Variants in DNAH9 observed in about 807,000 individuals in gnomAD.
DNAH9 encodes the protein DNAH9 variant protein.
Under a neutral mutation model 471.6 loss-of-function variants are expected in DNAH9, and 345 were observed. That is an observed-to-expected ratio of 0.73 (90% CI 0.67 to 0.80). DNAH9 has a LOEUF of 0.80. DNAH9 is among the 30% of genes least tolerant of loss of function. The probability of loss-of-function intolerance (pLI) is 0.00; values close to 1 mark genes in which losing one functional copy is unlikely to be tolerated. For missense variants in DNAH9, 5,407 were observed against 5,609.2 expected, an observed-to-expected ratio of 0.96 and a Z score of 1.15; for synonymous variants, 2,093 against 2,123.6, an observed-to-expected ratio of 0.99 and a Z score of 0.40.
intron 50 of DNAH9, among the ~76,000 whole-genome samples, chr17:11,856,797 A>G (rs1420324901): frequency 1.3e-5 from 2 of 152,212 alleles, no homozygotes; most frequent in Non-Finnish European, 2.9e-5. Flanking sequence ...TTTACTTAAA[A>G]TAGATGATAA....
intron 3 of DNAH9, among the ~76,000 whole-genome samples, 158 bp downstream of exon 3, chr17:11,610,712 G>C (rs112476683): frequency 1.5e-4 from 23 of 152,312 alleles, no homozygotes; most frequent in African/African-American, 4.8e-4. Context: ...TGGGTCAAGA[G>C]AGTTTTTTGA....
chr17:11,612,265 A>G, intron 4 of DNAH9: 1 of 231,844 alleles, frequency 4.3e-6, no homozygotes, highest in Non-Finnish European at 8.7e-6. Flanking sequence ...TTCTGGCAAG[A>G]CAGCCTAACC....
chr17:11,851,552 T>C (rs1392949142), intron 49 of DNAH9, among the ~76,000 whole-genome samples: 1 of 152,066 alleles, frequency 6.6e-6, no homozygotes, highest in Non-Finnish European at 1.5e-5. Flanking sequence ...AGCTACAGCC[T>C]AGTGAGAAAA....
rs755257881 is a variant in DNAH9, at chr17:11,608,110, C to T, written c.418-19C>T. 106 of 1,546,238 alleles carry T rather than the reference C, an allele frequency of 6.9e-5. No homozygotes were observed. The highest frequency in any genetic ancestry group is 1.7e-5 in the Non-Finnish European group (19 of 1,142,870). On this transcript the variant is annotated intron_variant, in intron 1 of 68. Coordinates refer to ENST00000262442, the MANE Select transcript of DNAH9 (RefSeq NM_001372.4). ...GAATTGGAACACCTGCCTTTCTTTC[C>T]TGTGCACCTCTGTTCCAGGTTGTTC...
At chr17:11,657,173 A>C (rs1036623613) in intron 14 of DNAH9, among the ~76,000 whole-genome samples, 1 of 151,994 alleles carries the variant, frequency 6.6e-6, no homozygotes, top group Admixed American at 6.6e-5. Context: ...TGTAGTTTAT[A>C]CTCCCAGTGG....
chr17:11,648,303 A>G (rs1395749409), intron 12 of DNAH9, among the ~76,000 whole-genome samples: 1 of 152,222 alleles, frequency 6.6e-6, no homozygotes, highest in Non-Finnish European at 1.5e-5. Flanking sequence ...AAAGTCAACA[A>G]GGAATATAGA....
intron 54 of DNAH9, 150 bp from the exon 55 acceptor site, chr17:11,881,059 T>G: frequency 1.4e-6 from 1 of 732,680 alleles, no homozygotes; most frequent in Non-Finnish European, 2.3e-6. Flanking sequence ...GTTCCCAACA[T>G]TAGTGCAAAA....
At chr17:11,648,868 A>G (rs1016657368) in intron 12 of DNAH9, among the ~76,000 whole-genome samples, 8 of 152,124 alleles carry the variant, frequency 5.3e-5, no homozygotes, top group Non-Finnish European at 7.3e-5. Flanking sequence ...GCTCACACCT[A>G]TAATCCCAGG....
At chr17:11,853,889 C>A in intron 49 of DNAH9, 114 bp from the exon 50 acceptor site, 1 of 944,678 alleles carries the variant, frequency 1.1e-6, no homozygotes, top group Non-Finnish European at 1.6e-6. Flanking sequence ...AGGGCTGCTG[C>A]AGGCTTCAAA....
intron 19 of DNAH9, among the ~76,000 whole-genome samples, chr17:11,686,047 A>T (rs1597477342): frequency 6.6e-6 from 1 of 151,716 alleles, no homozygotes; most frequent in South Asian, 2.1e-4. Flanking sequence ...CTCATGATCC[A>T]CCCGCCTCGG....
rs528696982 is a variant in DNAH9, at chr17:11,843,877, A to G, written c.9507+8979A>G. On this transcript the variant is annotated intron_variant, in intron 49 of 68. Transcript: ENST00000262442. ...TGTGTGTGTGTGTATATATATATAT[A>G]TATATATATATATACACATAGAGAG... Among the ~76,000 whole-genome samples the G allele has an allele frequency of 5.1e-3, 673 of 131,038 alleles. 24 individuals carry two copies. Among genetic ancestry groups the G allele is most frequent in the African/African-American group, 0.017 (613 of 35,556 alleles). 86.0% of individuals were successfully genotyped at this position (131,038 alleles called of 152,430 possible).
At chr17:11,798,747 C>T (rs1010414179) in intron 43 of DNAH9, among the ~76,000 whole-genome samples, 2 of 152,100 alleles carry the variant, frequency 1.3e-5, no homozygotes, top group Admixed American at 6.6e-5. Flanking sequence ...TGAACTTTCC[C>T]TTTACTGCCA....
intron 30 of DNAH9, 144 bp from the exon 31 acceptor site, chr17:11,744,653 C>G (rs954759093): frequency 2.0e-5 from 14 of 692,502 alleles, no homozygotes; most frequent in Non-Finnish European, 3.1e-5. Flanking sequence ...CTGGGATCAT[C>G]ATTTTCTAAG....
rs908902017 is a variant in DNAH9, at chr17:11,747,701, C to T, written c.6545C>T (p.Pro2182Leu). The T allele has an allele frequency of 6.2e-7, 1 of 1,614,006 alleles. No homozygotes were observed. The highest frequency in any genetic ancestry group is 8.5e-7 in the Non-Finnish European group (1 of 1,180,032). ...KRRPVWTDLNPKAVTNDELFG... is the reference protein window; with the variant it reads ...KRRPVWTDLNLKAVTNDELFG... ...CGCCCCGTCTGGACTGACCTCAATC[C>T]CAAAGCAGTCACAAATGATGAGCTC... Residue 2182 changes from proline (P) to leucine (L), a missense_variant, in exon 32 of 69, where the codon CCC (proline) becomes CTC (leucine). Coordinates refer to ENST00000262442, the MANE Select transcript of DNAH9 (RefSeq NM_001372.4).
intron 62 of DNAH9, chr17:11,925,507 C>A: frequency 3.9e-6 from 1 of 255,910 alleles, no homozygotes; most frequent in South Asian, 4.4e-5. Context: ...CCTCCTTCCT[C>A]CCTCATGGGT....
chr17:11,793,339 C>T (rs1735064487), intron 41 of DNAH9, among the ~76,000 whole-genome samples, 164 bp from the exon 42 acceptor site: 1 of 152,198 alleles, frequency 6.6e-6, no homozygotes, highest in Non-Finnish European at 1.5e-5. Context: ...TCTTTACAAG[C>T]TCCCTTTCAG....
At chr17:11,826,434 GTTTTCT>G (rs1357611544) in intron 48 of DNAH9, among the ~76,000 whole-genome samples, 4 of 131,406 alleles carry the variant, frequency 3.0e-5, no homozygotes, top group African/African-American at 8.4e-5. Context: ...AGTTCTGTAT[GTTTTCT>G]TTTTCTTTTT....
chr17:11,598,622 G>C lies in DNAH9; in HGVS notation c.124G>C (p.Ala42Pro). Residue 42 changes from alanine to proline, a missense_variant, in exon 1 of 69, where the codon GCC becomes CCC. Physicochemically the swap from Ala to Pro is conservative, Grantham distance 27 (BLOSUM62 -1). Around this residue, in one of 3 missense-constraint regions of DNAH9, gnomAD observed 767 missense variants for 692.5 expected, o/e 1.11. Transcript: ENST00000262442. ...VAMSLRPAAGAWERCAGSAEA... is the reference protein window; with the variant it reads ...VAMSLRPAAGPWERCAGSAEA... ...CATGAGCCTGCGGCCGGCTGCGGGC[G>C]CCTGGGAGCGTTGCGCGGGGAGTGC... is the stretch of plus-strand genomic sequence containing the variant. 7.5e-7 allele frequency: 1 copy of C among 1,342,208 alleles called. No homozygotes were observed. Among genetic ancestry groups the C allele is most frequent in the South Asian group, 1.8e-5 (1 of 54,516 alleles). 83.1% of individuals were successfully genotyped at this position (1,342,208 alleles called of 1,614,324 possible).
chr17:11,674,970 A>G (rs896938355), intron 17 of DNAH9, among the ~76,000 whole-genome samples: 13 of 152,034 alleles, frequency 8.6e-5, no homozygotes, highest in Admixed American at 1.3e-4. Context: ...GGTCCTTACC[A>G]TTTCATATAA....
Sources: allele counts gnomAD v4.1 joint callset (sites outside exome capture counted in the v4.1 genomes callset), GRCh38; gene constraint gnomAD v4.1.1; regional missense constraint gnomAD v4.1.1; transcripts MANE v1.5; gene names NCBI Gene and HGNC (gene_info 2026-07-23, HGNC 2026-07-21).